The following NELL1 variants were observed in gnomAD, a reference collection of about 807,000 sequenced individuals.
The protein encoded by NELL1 is protein kinase C-binding protein NELL1.
NELL1 carries 76 observed loss-of-function variants against 107.4 expected under a neutral mutation model. The observed-to-expected ratio is 0.71, with a 90% confidence interval of 0.59 to 0.86. NELL1 has a LOEUF of 0.86. Ranked by LOEUF, NELL1 falls within the 40% of genes least tolerant of loss-of-function variation. NELL1 has a pLI of 0.00. For synonymous variants in NELL1, 353 were observed against 341.2 expected, an observed-to-expected ratio of 1.03 and a Z score of -0.38; for missense variants, 1,024 against 1,005.5, an observed-to-expected ratio of 1.02 and a Z score of -0.25.
intron 9 of NELL1, among the ~76,000 whole-genome samples, chr11:20,929,775 C>T (rs1446286507): frequency 6.6e-6 from 1 of 152,024 alleles, no homozygotes; most frequent in African/African-American, 2.4e-5. Context: ...AGTTTGAGAC[C>T]AGCCTGGCCA....
At chr11:21,395,329 A>G (rs1383125146) in intron 15 of NELL1, among the ~76,000 whole-genome samples, 1 of 151,548 alleles carries the variant, frequency 6.6e-6, no homozygotes, top group Non-Finnish European at 1.5e-5. Context: ...TGTGTTTGTA[A>G]TAAGGTGAGG....
chr11:21,218,463 T>G (rs1857672160), intron 13 of NELL1, among the ~76,000 whole-genome samples: 1 of 152,134 alleles, frequency 6.6e-6, no homozygotes, highest in African/African-American at 2.4e-5. Flanking sequence ...ACCCATCACC[T>G]CAAATATTTA....
chr11:21,562,461 C>A (rs1262744062), intron 17 of NELL1, among the ~76,000 whole-genome samples: 1 of 151,978 alleles, frequency 6.6e-6, no homozygotes, highest in African/African-American at 2.4e-5. Flanking sequence ...CCATTTATAG[C>A]ACAGTTTCCC....
At chr11:21,556,888 A>C (rs1007685340) in intron 16 of NELL1, among the ~76,000 whole-genome samples, 2 of 151,964 alleles carry the variant, frequency 1.3e-5, no homozygotes, top group African/African-American at 4.8e-5. Context: ...TTGAGTACGA[A>C]ATACTCAAAT....
In NELL1 at chr11:20,765,169, A is replaced by AAT. The variant is rs1554916186; in HGVS notation, c.185-18510_185-18509insTA. The stretch of plus-strand genomic sequence containing the variant: ...CAAGACCCTGTCTTTGTTAAAAAAA[A>AAT]AAAATAAAATGAGGCAGATACAGGA... On this transcript the variant is annotated intron_variant, in intron 2 of 19. Coordinates refer to ENST00000357134, the MANE Select transcript of NELL1 (RefSeq NM_006157.5). Among the ~76,000 whole-genome samples the AAT allele has an allele frequency of 9.5e-3, 1,440 of 152,058 alleles. 22 individuals carry two copies. The highest frequency in any genetic ancestry group is 0.033 in the African/African-American group (1,362 of 41,460).
At chr11:21,232,145 AAT>A (rs1491456628) in intron 14 of NELL1, among the ~76,000 whole-genome samples, 553 of 28,990 alleles carry the variant, frequency 0.019, 2 homozygotes, top group East Asian at 0.049. Context: ...ACTAAAAAAA[AAT>A]AAAAAAAAAA....
intron 14 of NELL1, among the ~76,000 whole-genome samples, chr11:21,326,668 G>A (rs1850149958): frequency 6.6e-6 from 1 of 151,642 alleles, no homozygotes; most frequent in South Asian, 2.1e-4. Flanking sequence ...AAATTTGCTG[G>A]TGGTAATGTC....
chr11:20,790,501 C>T lies in NELL1; in HGVS notation c.335+6671C>T, dbSNP rs867326598. Among the ~76,000 whole-genome samples, 22 of 152,344 alleles carry T rather than the reference C, an allele frequency of 1.4e-4. No individual in the cohort carries two copies. The Middle Eastern group carries it at 0.01, about 71-fold the overall frequency. ...AGCCTACAAGTGCAGTGGGGTCCTT[C>T]CCAGGTCTCCAAGAGTGCAGGGATG... On this transcript the variant is annotated intron_variant, in intron 3 of 19. Transcript: ENST00000357134.
chr11:21,369,652 C>T lies in NELL1; in HGVS notation c.1550-1201C>T, dbSNP rs189982774. ...TTTGAGTGAGCATGGCAAAATATAA[C>T]CATGACATTTTTCTAGGGTGACTTT... On this transcript the variant is annotated intron_variant, in intron 14 of 19. Coordinates refer to ENST00000357134, the MANE Select transcript of NELL1 (RefSeq NM_006157.5). Among the ~76,000 whole-genome samples the T allele has an allele frequency of 3.5e-3, 539 of 152,074 alleles. 2 individuals are homozygous for T. The highest frequency in any genetic ancestry group is 0.012 in the African/African-American group (515 of 41,508).
intron 2 of NELL1, among the ~76,000 whole-genome samples, chr11:20,778,047 G>A (rs570299796): frequency 2.0e-5 from 3 of 152,320 alleles, no homozygotes; most frequent in African/African-American, 4.8e-5. Context: ...AAATGCCAGG[G>A]TAATGTATAA....
intron 2 of NELL1, among the ~76,000 whole-genome samples, chr11:20,778,025 G>A (rs1241232530): frequency 6.6e-6 from 1 of 152,174 alleles, no homozygotes; most frequent in Non-Finnish European, 1.5e-5. Flanking sequence ...AGATACACTT[G>A]CAGAAAAAGA....
At chr11:21,004,641 G>A (rs2134278233) in intron 12 of NELL1, among the ~76,000 whole-genome samples, 1 of 152,144 alleles carries the variant, frequency 6.6e-6, no homozygotes, top group East Asian at 1.9e-4. Flanking sequence ...AGTAATAAAA[G>A]TGAAGTTTTT....
intron 18 of NELL1, among the ~76,000 whole-genome samples, chr11:21,572,313 A>G (rs964677451): frequency 1.3e-5 from 2 of 151,852 alleles, no homozygotes; most frequent in Non-Finnish European, 2.9e-5. Context: ...TGTTAAACAC[A>G]TAACTTATGA....
At chr11:21,394,602 A>G (rs892797297) in intron 15 of NELL1, among the ~76,000 whole-genome samples, 1 of 151,352 alleles carries the variant, frequency 6.6e-6, no homozygotes, top group Non-Finnish European at 1.5e-5. Context: ...CAGTTTCCAA[A>G]AAAAACATTA....
chr11:21,191,590 G>A (rs1029105846), intron 13 of NELL1, among the ~76,000 whole-genome samples: 2 of 151,866 alleles, frequency 1.3e-5, no homozygotes, highest in Non-Finnish European at 2.9e-5. Flanking sequence ...CTAAAATAGC[G>A]ATATTTATGT....
intron 15 of NELL1, among the ~76,000 whole-genome samples, chr11:21,398,341 A>G (rs1489532225): frequency 6.6e-6 from 1 of 151,594 alleles, no homozygotes; most frequent in African/African-American, 2.4e-5. Flanking sequence ...TATGACACGT[A>G]TTGTTCCTCC....
intron 15 of NELL1, among the ~76,000 whole-genome samples, chr11:21,523,474 G>C (rs1048429241): frequency 1.7e-4 from 26 of 152,132 alleles, no homozygotes; most frequent in African/African-American, 5.1e-4. Flanking sequence ...AGCATGCACT[G>C]TTCCTCTTCC....
At chr11:21,066,813 G>T (rs1212309947) in intron 12 of NELL1, among the ~76,000 whole-genome samples, 1 of 152,024 alleles carries the variant, frequency 6.6e-6, no homozygotes, top group Non-Finnish European at 1.5e-5. Flanking sequence ...AGTTAGCTGG[G>T]TGTGATGGTG....
intron 5 of NELL1, among the ~76,000 whole-genome samples, chr11:20,912,414 G>A (rs2134149766): frequency 6.6e-6 from 1 of 152,220 alleles, no homozygotes; most frequent in East Asian, 1.9e-4. Context: ...TATCAGGATG[G>A]TTGATTACCC....
Sources: allele counts gnomAD v4.1 joint callset (sites outside exome capture counted in the v4.1 genomes callset), GRCh38; gene constraint gnomAD v4.1.1; transcripts MANE v1.5; gene names NCBI Gene and HGNC (gene_info 2026-07-23, HGNC 2026-07-21).